HPSE2: variants seen among roughly 807,000 people sequenced by gnomAD.
HPSE2 encodes the protein inactive heparanase-2.
In HPSE2, 38 loss-of-function variants were observed where a neutral mutation model predicts 60.5. The observed-to-expected ratio is 0.63, with a 90% confidence interval of 0.48 to 0.82. The LOEUF (loss-of-function observed/expected upper bound fraction) is 0.82. Among genes scored for constraint, HPSE2 ranks in the 40% least tolerant of loss-of-function variants. HPSE2 has a pLI of 0.00. For missense variants in HPSE2, 713 were observed against 740.4 expected (o/e 0.96, Z 0.43); for synonymous variants, 295 against 293.2 (o/e 1.01, Z -0.06).
At chr10:99,244,202 A>G in the HPSE2 span, among the ~76,000 whole-genome samples, 1 of 151,400 alleles carries the variant, frequency 6.6e-6, no homozygotes, top group Non-Finnish European at 1.5e-5. Flanking sequence ...TATTTTTAGT[A>G]GAGAGAGGGT....
At chr10:99,099,000 A>G (rs1053742494) in intron 3 of HPSE2, among the ~76,000 whole-genome samples, 1 of 152,182 alleles carries the variant, frequency 6.6e-6, no homozygotes, top group Non-Finnish European at 1.5e-5. Context: ...TATAATATTA[A>G]TAATAGCATT....
At position 98,494,889 on chromosome 10, in the gene HPSE2, A is replaced by G. The variant is rs2133692502; in HGVS notation, c.1321-4693T>C. ...GTTAAAACATGCAGAAAAAAAGTTT[A>G]AAACCTATTGTCTTAATAGGAGTTA... On this transcript the variant is annotated intron_variant, in intron 9 of 11. Coordinates refer to ENST00000370552, the MANE Select transcript of HPSE2 (RefSeq NM_021828.5). Among the ~76,000 whole-genome samples, 3 of 152,318 alleles carry G rather than the reference A, an allele frequency of 2.0e-5. No individual in the cohort carries two copies. In the Middle Eastern group the frequency reaches 0.01, roughly 518 times the overall value.
chr10:99,008,498 A>C (rs1400570453), intron 3 of HPSE2, among the ~76,000 whole-genome samples: 1 of 152,244 alleles, frequency 6.6e-6, no homozygotes, highest in Non-Finnish European at 1.5e-5. Flanking sequence ...TGAAAATACA[A>C]GATTGACAGG....
the HPSE2 span, among the ~76,000 whole-genome samples, chr10:99,259,115 G>A: frequency 9.9e-5 from 15 of 152,194 alleles, no homozygotes; most frequent in South Asian, 4.1e-4. Context: ...AGACCAGCCC[G>A]ACCAACATGG....
At chr10:99,198,461 C>T (rs1369557722) in intron 2 of HPSE2, among the ~76,000 whole-genome samples, 1 of 152,118 alleles carries the variant, frequency 6.6e-6, no homozygotes, top group Non-Finnish European at 1.5e-5. Flanking sequence ...GTTTTTATTG[C>T]ACAAGGTATG....
Position 98,875,004 on chromosome 10 carries a change from C to T in HPSE2, c.611-130948G>A, listed in dbSNP as rs551876604. On this transcript the variant is annotated intron_variant, in intron 3 of 11. Coordinates refer to ENST00000370552, the MANE Select transcript of HPSE2 (RefSeq NM_021828.5). ...AAGTTTTTTGATGCGCTGCTGGATT[C>T]GGTTTGCCAGTATTTTATTGAGGAT... Among the ~76,000 whole-genome samples the T allele has an allele frequency of 4.6e-5, 7 of 152,058 alleles. No homozygotes were observed. In the East Asian group the frequency reaches 9.7e-4, roughly 21 times the overall value.
intron 3 of HPSE2, among the ~76,000 whole-genome samples, chr10:99,037,575 T>C (rs1957638515): frequency 6.6e-6 from 1 of 151,916 alleles, no homozygotes; most frequent in Non-Finnish European, 1.5e-5. Flanking sequence ...CAAGAATACA[T>C]ACATATATGT....
intron 3 of HPSE2, among the ~76,000 whole-genome samples, chr10:98,924,054 G>T: frequency 6.6e-6 from 1 of 152,164 alleles, no homozygotes; most frequent in East Asian, 1.9e-4. Context: ...TCTTGGGAAG[G>T]TTTTCTAGGT....
intron 3 of HPSE2, among the ~76,000 whole-genome samples, chr10:98,849,236 A>C (rs1952109288): frequency 1.3e-5 from 2 of 152,314 alleles, no homozygotes; most frequent in African/African-American, 4.8e-5. Flanking sequence ...CTCCCAGTTA[A>C]ATAACTTTCA....
chr10:99,184,824 AGAG>A, intron 2 of HPSE2, among the ~76,000 whole-genome samples: 2 of 21,542 alleles, frequency 9.3e-5, no homozygotes, highest in Non-Finnish European at 2.9e-4. Flanking sequence ...ATATATAGAG[AGAG>A]AGAGAGAGAG....
chr10:98,693,699 T>A (rs1157960694), intron 6 of HPSE2, among the ~76,000 whole-genome samples: 2 of 152,204 alleles, frequency 1.3e-5, no homozygotes, highest in Non-Finnish European at 2.9e-5. Context: ...TTTTCTTAAA[T>A]TTTTCTGAAA....
At chr10:98,467,585 T>C (rs774943129) in intron 11 of HPSE2, among the ~76,000 whole-genome samples, 34 of 152,102 alleles carry the variant, frequency 2.2e-4, no homozygotes, top group Non-Finnish European at 4.7e-4. Flanking sequence ...ATCAGCTCCC[T>C]TTCCTCCAGT....
intron 6 of HPSE2, among the ~76,000 whole-genome samples, chr10:98,690,793 T>C (rs1274495799): frequency 6.6e-6 from 1 of 152,170 alleles, no homozygotes; most frequent in East Asian, 1.9e-4. Flanking sequence ...TTTTCTGGGT[T>C]TTCTAAATGG....
At chr10:98,886,589 A>C (rs942711971) in intron 3 of HPSE2, among the ~76,000 whole-genome samples, 3 of 152,082 alleles carry the variant, frequency 2.0e-5, no homozygotes, top group Admixed American at 1.3e-4. Flanking sequence ...GATTCAAAGG[A>C]GAGAGAGAAA....
intron 9 of HPSE2, among the ~76,000 whole-genome samples, chr10:98,570,234 A>G (rs143794546): frequency 2.0e-5 from 3 of 151,932 alleles, no homozygotes; most frequent in African/African-American, 4.8e-5. Context: ...GCCTTGTTTC[A>G]TTTACCTGCT....
At chr10:98,988,226 G>A (rs958444842) in intron 3 of HPSE2, among the ~76,000 whole-genome samples, 4 of 152,362 alleles carry the variant, frequency 2.6e-5, no homozygotes, top group South Asian at 4.1e-4. Context: ...GAGGCATCAT[G>A]CTACCTGACT....
At position 98,620,842 on chromosome 10, in the gene HPSE2, T is replaced by A. The variant is rs1486231553; in HGVS notation, c.1099-134A>T. On this transcript the variant is annotated intron_variant, in intron 7 of 11. Transcript: ENST00000370552. ...GGGGGTCATGATTTGTGCTTTCTTATGATGATGCACCCAGTTCAGTGAGTT... is the reference window on the plus strand; with the variant it reads ...GGGGGTCATGATTTGTGCTTTCTTAAGATGATGCACCCAGTTCAGTGAGTT... 5.5e-6 allele frequency: 4 copies of A among 724,294 alleles called. No individual in the cohort carries two copies. The Admixed American group carries it at 8.0e-5, about 15-fold the overall frequency. 44.9% of individuals were successfully genotyped at this position (724,294 alleles called of 1,614,324 possible).
In HPSE2 at chr10:99,119,348, AC is replaced by A. The variant is rs1844855484; in HGVS notation, c.610+24889del. On this transcript the variant is annotated intron_variant, in intron 3 of 11. Coordinates refer to ENST00000370552, the MANE Select transcript of HPSE2 (RefSeq NM_021828.5). ...GAATGCAATCCCATTCACAACTGCC[AC>A]AAAAAGAATAAAATACCTAGGAATA... Among the ~76,000 whole-genome samples, 4 of 152,228 alleles carry A rather than the reference AC, an allele frequency of 2.6e-5. No individual in the cohort carries two copies. The South Asian group carries it at 8.3e-4, about 32-fold the overall frequency.
Position 98,627,713 on chromosome 10 carries a change from G to A in HPSE2, c.1099-7005C>T, listed in dbSNP as rs143120137. On this transcript the variant is annotated intron_variant, in intron 7 of 11. Coordinates refer to ENST00000370552, the MANE Select transcript of HPSE2 (RefSeq NM_021828.5). Reference sequence around the variant, plus strand: ...ATTATATAATATTTATAAAGCAGTTGAAGTAGTGTCTGGCATATAGTAAGC... The same window carrying A: ...ATTATATAATATTTATAAAGCAGTTAAAGTAGTGTCTGGCATATAGTAAGC... Among the ~76,000 whole-genome samples the A allele has an allele frequency of 7.6e-4, 116 of 152,346 alleles. 2 individuals carry two copies. The East Asian group carries it at 0.022, about 29-fold the overall frequency.
Sources: gnomAD v4.1 joint callset for allele counts (sites outside exome capture counted in the v4.1 genomes callset) on GRCh38, gnomAD v4.1.1 for gene constraint, MANE v1.5 for transcripts, NCBI Gene and HGNC (gene_info 2026-07-23, HGNC 2026-07-21) for gene names.